PLEKHA8: variants seen among roughly 807,000 people sequenced by gnomAD.
The protein encoded by PLEKHA8 is pleckstrin homology domain-containing family A member 8.
Under a neutral mutation model 68.2 loss-of-function variants are expected in PLEKHA8, and 36 were observed. The observed-to-expected ratio is 0.53, with a 90% CI of 0.40 to 0.70. The LOEUF (loss-of-function observed/expected upper bound fraction) is 0.70. PLEKHA8 is among the 30% of genes least tolerant of loss of function. The pLI is 0.00. For synonymous variants in PLEKHA8, 211 were observed against 216.1 expected, an observed-to-expected ratio of 0.98 and a Z score of 0.20; for missense variants, 505 against 615.4, an observed-to-expected ratio of 0.82 and a Z score of 1.90.
At chr7:30,046,406 C>T (rs781697109) in intron 3 of PLEKHA8, 41 bp downstream of exon 3, 4 of 1,520,328 alleles carry the variant, frequency 2.6e-6, no homozygotes, top group Non-Finnish European at 3.5e-6. Flanking sequence ...CCTTGGGAAT[C>T]ACCCACTGGC....
intron 1 of PLEKHA8, among the ~76,000 whole-genome samples, chr7:30,038,014 T>A (rs1271932257): frequency 6.6e-6 from 1 of 152,174 alleles, no homozygotes; most frequent in African/African-American, 2.4e-5. Context: ...TGTTAAACAG[T>A]AAGATTATGA....
chr7:30,062,179 TA>T (rs1793496423), intron 11 of PLEKHA8, 152 bp downstream of exon 11: 9 of 903,498 alleles, frequency 1.0e-5, no homozygotes, highest in Middle Eastern at 2.4e-4. Flanking sequence ...AATACCACCT[TA>T]TTTTTTTTTT....
At chr7:30,075,920 T>TA (rs1250327970) in intron 13 of PLEKHA8, among the ~76,000 whole-genome samples, 6 of 152,142 alleles carry the variant, frequency 3.9e-5, no homozygotes, top group Non-Finnish European at 5.9e-5. Context: ...TTTAGACTCA[T>TA]AAAAAATTTT....
chr7:30,039,766 G>A (rs1488699226), intron 1 of PLEKHA8, among the ~76,000 whole-genome samples: 2 of 152,172 alleles, frequency 1.3e-5, no homozygotes, highest in African/African-American at 2.4e-5. Context: ...ATGTCTGTGA[G>A]TAGAGCTAGG....
intron 12 of PLEKHA8, 82 bp from the exon 13 acceptor site, chr7:30,073,988 TA>T (rs377361906): frequency 0.1 from 88,874 of 848,258 alleles, 7 homozygotes; most frequent in South Asian, 0.14. Context: ...CCTGTCTCTT[TA>T]AAAAAAAAAA....
rs946471369 is a variant in PLEKHA8 at position 30,084,625 on chromosome 7, G to A, written c.*5838G>A. The A allele has an allele frequency of 2.7e-5, 25 of 931,572 alleles. No homozygotes were observed. Among genetic ancestry groups the A allele is most frequent in the Non-Finnish European group, 3.1e-5 (24 of 781,384 alleles). 57.7% of individuals were successfully genotyped at this position (931,572 alleles called of 1,614,324 possible). ...TATCTGTCAGATTTTATATTCGTTAGTTATAATAAACTTATTTTTAAAGTA... is the reference window on the plus strand; with the variant it reads ...TATCTGTCAGATTTTATATTCGTTAATTATAATAAACTTATTTTTAAAGTA... On this transcript the variant is annotated 3_prime_UTR_variant, in exon 14 of 14. Transcript: ENST00000449726.
At chr7:30,084,707 A>C, downstream of PLEKHA8, 3 of 849,410 alleles carry the variant, frequency 3.5e-6, no homozygotes. Flanking sequence ...GTCAATAAAA[A>C]GTCTCGTTTA....
downstream of PLEKHA8, among the ~76,000 whole-genome samples, chr7:30,088,577 G>T (rs543021888): frequency 6.6e-6 from 1 of 152,080 alleles, no homozygotes; most frequent in African/African-American, 2.4e-5. Context: ...AATATGGCCA[G>T]ATCACAGCCC....
intron 9 of PLEKHA8, among the ~76,000 whole-genome samples, chr7:30,056,306 C>CTATA (rs1215690448): frequency 2.9e-4 from 26 of 90,232 alleles, no homozygotes; most frequent in East Asian, 2.4e-3. Flanking sequence ...CTCTCTCTCT[C>CTATA]TCTCTCTATA....
At position 30,083,997 on chromosome 7, in the gene PLEKHA8, A is replaced by G. The variant is rs1364289196; in HGVS notation, c.*5210A>G. The G allele has an allele frequency of 5.1e-6, 5 of 985,332 alleles. No homozygotes were observed. Among genetic ancestry groups the G allele is most frequent in the Non-Finnish European group, 6.0e-6 (5 of 829,914 alleles). 61.0% of individuals were successfully genotyped at this position (985,332 alleles called of 1,614,324 possible). On this transcript the variant is annotated 3_prime_UTR_variant, in exon 14 of 14. Transcript: ENST00000449726. The stretch of plus-strand genomic sequence containing the variant: ...TCCTAGAAGGCTATGAGCCAGTTCC[A>G]TGGCATGTTTAATGTATAATTCCCA...
Position 30,079,342 on chromosome 7 carries a change from C to T in PLEKHA8, c.*555C>T, listed in dbSNP as rs141508304. On this transcript the variant is annotated 3_prime_UTR_variant, in exon 14 of 14. Coordinates refer to ENST00000449726, the MANE Select transcript of PLEKHA8 (RefSeq NM_001197026.2). ...AAAGATGTTCAGGGCATTCACATGA[C>T]CATGCAATTGTGGGAGGCGAAGAAG... 9.1e-6 allele frequency: 9 copies of T among 986,066 alleles called. No individual in the cohort carries two copies. The highest frequency in any genetic ancestry group is 8.7e-5 in the African/African-American group (5 of 57,318). The allele number at this position is 986,066 out of a possible 1,614,324, so 61.1% of individuals were successfully genotyped here.
chr7:30,031,214 T>G (rs1790637762), intron 1 of PLEKHA8, among the ~76,000 whole-genome samples: 1 of 152,110 alleles, frequency 6.6e-6, no homozygotes, highest in Non-Finnish European at 1.5e-5. Flanking sequence ...TACAGTCTGG[T>G]GGGGGAAGAA....
chr7:30,050,246 A>G (rs1792297403), intron 5 of PLEKHA8, among the ~76,000 whole-genome samples, 188 bp from the exon 6 acceptor site: 2 of 152,234 alleles, frequency 1.3e-5, no homozygotes, highest in South Asian at 2.1e-4. Context: ...ATACATTTGT[A>G]TAAATAAGAA....
At chr7:30,097,768 C>T (rs1795676893) in intron 13 of PLEKHA8, among the ~76,000 whole-genome samples, 1 of 152,154 alleles carries the variant, frequency 6.6e-6, no homozygotes, top group African/African-American at 2.4e-5. Flanking sequence ...GCCATTGGTT[C>T]GAACTTCTTC....
chr7:30,128,243 A>AT (rs1372027976), intron 13 of PLEKHA8, among the ~76,000 whole-genome samples: 2 of 152,134 alleles, frequency 1.3e-5, no homozygotes, highest in African/African-American at 4.8e-5. Flanking sequence ...AGTAGCTGGG[A>AT]TTACAGGCAT....
intron 6 of PLEKHA8, chr7:30,050,698 A>G (rs1474874608): frequency 9.0e-6 from 4 of 445,900 alleles, no homozygotes; most frequent in Admixed American, 4.3e-5. Flanking sequence ...TTTCCCTAAG[A>G]TGGATCTCAC....
chr7:30,128,861 T>C (rs919977495), intron 13 of PLEKHA8, among the ~76,000 whole-genome samples: 1 of 152,060 alleles, frequency 6.6e-6, no homozygotes, highest in East Asian at 1.9e-4. Flanking sequence ...AGAGATCACA[T>C]GGCAAGAGAG....
At chr7:30,031,480 C>T (rs773891029) in intron 1 of PLEKHA8, among the ~76,000 whole-genome samples, 8 of 152,078 alleles carry the variant, frequency 5.3e-5, no homozygotes, top group South Asian at 2.1e-4. Context: ...AGAATGGAGA[C>T]GTGCGAGTTT....
At chr7:30,029,407 C>T (rs1368295102) in intron 1 of PLEKHA8, among the ~76,000 whole-genome samples, 1 of 152,136 alleles carries the variant, frequency 6.6e-6, no homozygotes, top group Non-Finnish European at 1.5e-5. Flanking sequence ...CAGAAATTAC[C>T]GTTAAATGAA....
Sources: allele counts gnomAD v4.1 joint callset (sites outside exome capture counted in the v4.1 genomes callset), GRCh38; gene constraint gnomAD v4.1.1; transcripts MANE v1.5; gene names NCBI Gene and HGNC (gene_info 2026-07-23, HGNC 2026-07-21).